The following TSPAN9 variants were observed in gnomAD, a reference collection of about 807,000 sequenced individuals.
TSPAN9 encodes the protein tetraspanin-9.
In TSPAN9, 16 loss-of-function variants were observed where a neutral mutation model predicts 31.0. The observed-to-expected ratio is 0.52, with a 90% CI of 0.35 to 0.78. The LOEUF (loss-of-function observed/expected upper bound fraction) is 0.78, where lower values mean the gene tolerates loss of function less well. TSPAN9 is among the 30% of genes least tolerant of loss of function. The pLI is 0.01. For synonymous variants in TSPAN9, 145 were observed against 121.6 expected, an observed-to-expected ratio of 1.19 and a Z score of -1.27; for missense variants, 272 against 312.5, an observed-to-expected ratio of 0.87 and a Z score of 0.98.
chr12:3,178,165 C>T (rs953166824), intron 2 of TSPAN9, among the ~76,000 whole-genome samples: 23 of 152,258 alleles, frequency 1.5e-4, no homozygotes, highest in African/African-American at 5.1e-4. Context: ...TCACCGTCTC[C>T]GCTACCCACG....
chr12:3,181,052 A>C (rs2098358344), intron 2 of TSPAN9, among the ~76,000 whole-genome samples: 1 of 151,040 alleles, frequency 6.6e-6, no homozygotes, highest in Non-Finnish European at 1.5e-5. Context: ...GGCATGAGTC[A>C]CAGTGGAAAG....
intron 2 of TSPAN9, among the ~76,000 whole-genome samples, chr12:3,133,345 TAA>T (rs1335189953): frequency 6.6e-6 from 1 of 152,180 alleles, no homozygotes; most frequent in Non-Finnish European, 1.5e-5. Flanking sequence ...TCTGTCTGTC[TAA>T]AGTGTTTATT....
chr12:3,282,931 C>A, intron 8 of TSPAN9, 114 bp from the exon 9 acceptor site: 1 of 969,286 alleles, frequency 1.0e-6, no homozygotes, highest in Non-Finnish European at 1.6e-6. Context: ...CCTGGCACAC[C>A]AGTGGCCATC....
At chr12:3,135,113 T>A (rs1221180201) in intron 2 of TSPAN9, among the ~76,000 whole-genome samples, 1 of 152,134 alleles carries the variant, frequency 6.6e-6, no homozygotes. Context: ...GACAGGGTTT[T>A]GCTCTGTCAC....
intron 2 of TSPAN9, among the ~76,000 whole-genome samples, chr12:3,084,485 G>A (rs1210357645): frequency 6.6e-6 from 1 of 152,166 alleles, no homozygotes; most frequent in Non-Finnish European, 1.5e-5. Context: ...GTGCTGGCTG[G>A]TGGCTCATCT....
At chr12:3,095,411 C>A (rs1027227505) in intron 2 of TSPAN9, among the ~76,000 whole-genome samples, 8 of 150,026 alleles carry the variant, frequency 5.3e-5, no homozygotes, top group Admixed American at 4.6e-4. Context: ...GGGTGGTGGC[C>A]GGGCAGAGGG....
intron 3 of TSPAN9, among the ~76,000 whole-genome samples, chr12:3,208,287 G>A (rs979209865): frequency 1.3e-5 from 2 of 152,162 alleles, no homozygotes; most frequent in African/African-American, 2.4e-5. Context: ...TCGGGCCTTC[G>A]GGGTATATGG....
chr12:3,152,329 G>A (rs1210514450), intron 2 of TSPAN9, among the ~76,000 whole-genome samples: 1 of 152,226 alleles, frequency 6.6e-6, no homozygotes, highest in African/African-American at 2.4e-5. Flanking sequence ...ACAGGGTTTG[G>A]CCTGATGCCA....
In TSPAN9 at chr12:3,179,125, G is replaced by T. The variant is rs546210599; in HGVS notation, c.-17-22052G>T. On this transcript the variant is annotated intron_variant, in intron 2 of 8. Coordinates refer to ENST00000011898, the MANE Select transcript of TSPAN9 (RefSeq NM_006675.5). ...AACTATCAGGAGCTGGAAATAGGCT[G>T]CGGGGCCCGGCCGAGAGGGCTCATT... is the stretch of plus-strand genomic sequence containing the variant. Among the ~76,000 whole-genome samples the T allele has an allele frequency of 8.3e-4, 127 of 152,316 alleles. 1 individual carries two copies. The highest frequency in any genetic ancestry group is 3.0e-3 in the African/African-American group (123 of 41,564).
chr12:3,165,621 G>T (rs1201554438), intron 2 of TSPAN9, among the ~76,000 whole-genome samples: 1 of 152,204 alleles, frequency 6.6e-6, no homozygotes, highest in Non-Finnish European at 1.5e-5. Context: ...GGCCCAGAGA[G>T]AGTTGCTCGC....
At chr12:3,133,674 G>T (rs1565587479) in intron 2 of TSPAN9, among the ~76,000 whole-genome samples, 2 of 152,168 alleles carry the variant, frequency 1.3e-5, no homozygotes, top group Non-Finnish European at 2.9e-5. Flanking sequence ...TGAGCAGGTG[G>T]TTTTTTTCTC....
rs554766944 is a variant in TSPAN9 at position 3,154,616 on chromosome 12, C to T, written c.-17-46561C>T. ...TCTTCCTTCCCTCCCTTTTCCTCAG[C>T]GTCCTGCTTTCATTGTTTTGCAGCA... On this transcript the variant is annotated intron_variant, in intron 2 of 8. Coordinates refer to ENST00000011898, the MANE Select transcript of TSPAN9 (RefSeq NM_006675.5). 1.6e-4 allele frequency among the ~76,000 whole-genome samples: 24 copies of T among 152,356 alleles called. No homozygotes were observed. The South Asian group carries it at 2.5e-3, about 16-fold the overall frequency.
chr12:3,089,866 G>A (rs543982735), intron 2 of TSPAN9, among the ~76,000 whole-genome samples: 16 of 152,096 alleles, frequency 1.1e-4, no homozygotes, highest in Middle Eastern at 3.4e-3. Flanking sequence ...TGATCACGCC[G>A]CTGTACTCCA....
chr12:3,122,337 TAG>T (rs773752973), intron 2 of TSPAN9, among the ~76,000 whole-genome samples: 5 of 151,126 alleles, frequency 3.3e-5, no homozygotes, highest in Non-Finnish European at 5.9e-5. Context: ...AAAAAGGAGA[TAG>T]AGTCTTGCTC....
intron 1 of TSPAN9, among the ~76,000 whole-genome samples, chr12:3,077,687 G>T (rs1267240506): frequency 1.3e-5 from 2 of 152,078 alleles, no homozygotes; most frequent in Non-Finnish European, 2.9e-5. Flanking sequence ...GTGGGTGCGG[G>T]GCCCGGGCAC....
intron 2 of TSPAN9, among the ~76,000 whole-genome samples, chr12:3,149,494 CTCTT>C: frequency 6.6e-6 from 1 of 152,310 alleles, no homozygotes; most frequent in Admixed American, 6.5e-5. Flanking sequence ...AGAAGTGGTC[CTCTT>C]TCTTGGCCAG....
intron 2 of TSPAN9, among the ~76,000 whole-genome samples, chr12:3,106,177 A>G (rs1205728833): frequency 6.6e-6 from 1 of 152,214 alleles, no homozygotes; most frequent in Non-Finnish European, 1.5e-5. Flanking sequence ...ATACCCACCT[A>G]TGCCCACAGG....
chr12:3,230,570 C>T (rs1187539380), intron 3 of TSPAN9, among the ~76,000 whole-genome samples: 4 of 152,160 alleles, frequency 2.6e-5, no homozygotes, highest in Admixed American at 6.5e-5. Context: ...TAGGTGCCCA[C>T]GGAGCGCTCT....
At chr12:3,140,901 G>C (rs900735115) in intron 2 of TSPAN9, among the ~76,000 whole-genome samples, 7 of 151,952 alleles carry the variant, frequency 4.6e-5, no homozygotes, top group Non-Finnish European at 8.8e-5. Context: ...CCAGGTGGAA[G>C]GGCGTTTGGA....
Sources: gnomAD v4.1 joint callset for allele counts (sites outside exome capture counted in the v4.1 genomes callset) on GRCh38, gnomAD v4.1.1 for gene constraint, MANE v1.5 for transcripts, NCBI Gene and HGNC (gene_info 2026-07-23, HGNC 2026-07-21) for gene names.